Variants in SLC16A9 observed in about 807,000 individuals in gnomAD.
SLC16A9 encodes monocarboxylate transporter 9.
In SLC16A9, 26 loss-of-function variants were observed where a neutral mutation model predicts 44.3. The observed-to-expected ratio is 0.59, with a 90% confidence interval of 0.43 to 0.81. The LOEUF is 0.81. SLC16A9 is among the 40% of genes least tolerant of loss of function. The pLI, the probability that SLC16A9 is intolerant of heterozygous loss-of-function variation, is 0.00. For synonymous variants in SLC16A9, 230 were observed against 225.1 expected (o/e 1.02, Z -0.19); for missense variants, 559 against 595.8 (o/e 0.94, Z 0.64).
At chr10:59,685,635 T>C (rs1353486410) in intron 1 of SLC16A9, among the ~76,000 whole-genome samples, 1 of 152,254 alleles carries the variant, frequency 6.6e-6, no homozygotes, top group Non-Finnish European at 1.5e-5. Flanking sequence ...TTTATCTTAG[T>C]TTGTTCGACC....
chr10:59,708,877 G>C (rs556093954), intron 1 of SLC16A9: 3 of 152,456 alleles, frequency 2.0e-5, no homozygotes, highest in East Asian at 1.9e-4. Flanking sequence ...CTCCTGCGGC[G>C]GTGGCGAAGG....
intron 4 of SLC16A9, among the ~76,000 whole-genome samples, chr10:59,657,010 C>T (rs1452749298): frequency 6.6e-6 from 1 of 152,142 alleles, no homozygotes; most frequent in Non-Finnish European, 1.5e-5. Context: ...CCGAAAGGAT[C>T]AGAGAGTAAA....
At position 59,672,843 on chromosome 10, in the gene SLC16A9, C is replaced by CG. The variant is rs772227665; in HGVS notation, c.266_267insC (p.Ala90GlyfsTer44). The CG allele has an allele frequency of 6.2e-7, 1 of 1,613,694 alleles. No individual in the cohort carries two copies. ...AACTGCTCAACATCAGGCCTCCAGCCACCATGAAGCCACTGAAGATTGTGA... is the reference window on the plus strand; with the variant it reads ...AACTGCTCAACATCAGGCCTCCAGCCGACCATGAAGCCACTGAAGATTGTGA... On this transcript the variant is annotated frameshift_variant, in exon 3 of 6. Coordinates refer to ENST00000395348, the MANE Select transcript of SLC16A9 (RefSeq NM_194298.3). LOFTEE classifies it high-confidence loss of function.
At chr10:59,678,205 C>A (rs766697453) in intron 2 of SLC16A9, among the ~76,000 whole-genome samples, 1 of 151,958 alleles carries the variant, frequency 6.6e-6, no homozygotes, top group Non-Finnish European at 1.5e-5. Flanking sequence ...ATAGTAGTAA[C>A]CAGGTTATGG....
chr10:59,704,909 T>C (rs1282496947), intron 1 of SLC16A9, among the ~76,000 whole-genome samples: 2 of 152,262 alleles, frequency 1.3e-5, no homozygotes, highest in Non-Finnish European at 2.9e-5. Flanking sequence ...TACAAAGTAG[T>C]ATGTTTACTG....
chr10:59,690,913 G>A (rs76812558), intron 1 of SLC16A9, among the ~76,000 whole-genome samples: 9 of 151,966 alleles, frequency 5.9e-5, no homozygotes, highest in East Asian at 3.9e-4. Flanking sequence ...GCAAAACCCC[G>A]TCTCTACTAA....
intron 1 of SLC16A9, among the ~76,000 whole-genome samples, chr10:59,698,099 T>C (rs182213194): frequency 2.0e-5 from 3 of 152,344 alleles, no homozygotes; most frequent in Admixed American, 2.0e-4. Flanking sequence ...ATAGCCATTG[T>C]CTAAGGAGTA....
intron 2 of SLC16A9, among the ~76,000 whole-genome samples, chr10:59,681,267 T>G (rs1194108677): frequency 6.6e-6 from 1 of 151,878 alleles, no homozygotes; most frequent in Admixed American, 6.6e-5. Context: ...AGACACTGCT[T>G]GCTAATACTA....
At chr10:59,655,875 T>C (rs1451629998) in intron 4 of SLC16A9, among the ~76,000 whole-genome samples, 1 of 152,234 alleles carries the variant, frequency 6.6e-6, no homozygotes, top group African/African-American at 2.4e-5. Context: ...GAGGCATCAC[T>C]GATTGCATGG....
intron 1 of SLC16A9, among the ~76,000 whole-genome samples, chr10:59,702,480 G>A (rs974523773): frequency 6.6e-6 from 1 of 152,178 alleles, no homozygotes; most frequent in Non-Finnish European, 1.5e-5. Context: ...GTCATTCAGA[G>A]CCTCTTGTTT....
chr10:59,666,926 G>A (rs2132435827), intron 3 of SLC16A9, among the ~76,000 whole-genome samples: 1 of 149,364 alleles, frequency 6.7e-6, no homozygotes, highest in South Asian at 2.1e-4. Context: ...CTGTCACCAT[G>A]CATTTGACAG....
At chr10:59,667,889 TG>T (rs1419269303) in intron 3 of SLC16A9, among the ~76,000 whole-genome samples, 1 of 152,240 alleles carries the variant, frequency 6.6e-6, no homozygotes, top group East Asian at 1.9e-4. Flanking sequence ...TATATTTACA[TG>T]TTGTAACATT....
chr10:59,696,100 G>C (rs958818971), intron 1 of SLC16A9, among the ~76,000 whole-genome samples: 1 of 151,218 alleles, frequency 6.6e-6, no homozygotes, highest in Admixed American at 6.6e-5. Flanking sequence ...CTCCCTCTCC[G>C]TCTCCCCACG....
chr10:59,654,538 T>A lies in SLC16A9; in HGVS notation c.488A>T (p.Glu163Val). 6.2e-7 allele frequency: 1 copy of A among 1,606,650 alleles called. No individual in the cohort carries two copies. The highest frequency in any genetic ancestry group is 8.5e-7 in the Non-Finnish European group (1 of 1,179,790). The part of the protein sequence containing the change: ...IYAALQRMLV[E>V]FYGLDGCLLI... ...CAAGCATCCATCCAGTCCATAGAAC[T>A]CAACCAGCATCCTCTGCAGAGCAGC... The change falls in exon 5 of 6, where the codon GAG becomes GTG. Residue 163 changes from glutamate (E) to valine (V), a missense_variant. Transcript: ENST00000395348.
Position 59,684,180 on chromosome 10 carries a change from T to A in SLC16A9, c.112A>T (p.Ile38Leu), listed in dbSNP as rs767887542. 1.4e-5 allele frequency: 22 copies of A among 1,614,138 alleles called. No individual in the cohort carries two copies. The highest frequency in any genetic ancestry group is 1.8e-5 in the Non-Finnish European group (21 of 1,179,994). The change falls in exon 2 of 6, where the codon ATA becomes TTA. Residue 38 changes from isoleucine (I) to leucine (L), a missense_variant. Physicochemically the swap from Ile to Leu is conservative, Grantham distance 5. Coordinates refer to ENST00000395348, the MANE Select transcript of SLC16A9 (RefSeq NM_194298.3). ...GSPLAVGVLY[I>L]EWLDAFGEGK... The stretch of plus-strand genomic sequence containing the variant: ...TCACCAAAGGCATCCAGCCATTCTA[T>A]GTACAGGACTCCAACAGCTAGTGGG...
At chr10:59,684,010 C>T (rs1840076357) in intron 2 of SLC16A9, 86 bp downstream of exon 2, 1 of 1,056,762 alleles carries the variant, frequency 9.5e-7, no homozygotes, top group Non-Finnish European at 1.3e-6. Flanking sequence ...AAAAGAAAGC[C>T]CTCTCTGCCT....
In SLC16A9 at chr10:59,653,448, A is replaced by C. The variant is rs138760650; in HGVS notation, c.1351+227T>G. Among the ~76,000 whole-genome samples, 374 of 148,490 alleles carry C rather than the reference A, an allele frequency of 2.5e-3. 2 individuals are homozygous for C. The highest frequency in any genetic ancestry group is 8.8e-3 in the African/African-American group (355 of 40,324). On this transcript the variant is annotated intron_variant, in intron 5 of 5. Transcript: ENST00000395348. ...CTCAAAAAAAAAAAAAAAAAAAAGC[A>C]GGCATTTTGAGTTTCTCCCAAATAA... is the stretch of plus-strand genomic sequence containing the variant.
At chr10:59,700,647 G>A (rs1840502526) in intron 1 of SLC16A9, among the ~76,000 whole-genome samples, 1 of 152,162 alleles carries the variant, frequency 6.6e-6, no homozygotes, top group African/African-American at 2.4e-5. Flanking sequence ...GTTCAATCTT[G>A]TTACTGTAGT....
intron 1 of SLC16A9, among the ~76,000 whole-genome samples, chr10:59,686,820 G>A (rs1840144894): frequency 6.6e-6 from 1 of 152,066 alleles, no homozygotes; most frequent in African/African-American, 2.4e-5. Flanking sequence ...TTTATTGGCT[G>A]TCTCTGTTAC....
Sources: allele counts gnomAD v4.1 joint callset (sites outside exome capture counted in the v4.1 genomes callset), GRCh38; gene constraint gnomAD v4.1.1; transcripts MANE v1.5; gene names NCBI Gene and HGNC (gene_info 2026-07-23, HGNC 2026-07-21).